The following RPH3AL variants were observed in gnomAD, a reference collection of about 807,000 sequenced individuals.
RPH3AL encodes rabphilin 3A like (without C2 domains), also known as rab effector Noc2.
In RPH3AL, 38 loss-of-function variants were observed where a neutral mutation model predicts 43.1. The ratio of observed to expected loss-of-function variants is 0.88; its 90% CI spans 0.68 to 1.15. RPH3AL has a LOEUF of 1.15. Among genes scored for constraint, RPH3AL ranks in the 50% most tolerant of loss-of-function variants. The pLI is 0.00. For missense variants in RPH3AL, 462 were observed against 423.2 expected, an observed-to-expected ratio of 1.09 and a Z score of -0.81; for synonymous variants, 189 against 176.3, an observed-to-expected ratio of 1.07 and a Z score of -0.57.
intron 7 of RPH3AL, among the ~76,000 whole-genome samples, chr17:242,053 G>T (rs1228661077): frequency 6.6e-6 from 1 of 152,088 alleles, no homozygotes; most frequent in Non-Finnish European, 1.5e-5. Context: ...AAAGGCGGAG[G>T]TTGCAGTGAG....
At chr17:285,606 G>A (rs1339183704) in intron 5 of RPH3AL, among the ~76,000 whole-genome samples, 1 of 152,198 alleles carries the variant, frequency 6.6e-6, no homozygotes, top group Non-Finnish European at 1.5e-5. Flanking sequence ...GGAATAAAAT[G>A]AAAAACAGCT....
At chr17:316,583 A>G (rs1395002136) in intron 5 of RPH3AL, among the ~76,000 whole-genome samples, 2 of 137,686 alleles carry the variant, frequency 1.5e-5, no homozygotes, top group African/African-American at 5.7e-5. Context: ...ACCTCCATTG[A>G]CCTGTAGTCC....
intron 6 of RPH3AL, chr17:261,824 A>G (rs2042201706): frequency 6.6e-6 from 1 of 152,240 alleles, no homozygotes; most frequent in Non-Finnish European, 1.5e-5. Flanking sequence ...GATCCTGGAA[A>G]CAGTCTCCAA....
intron 7 of RPH3AL, among the ~76,000 whole-genome samples, chr17:233,426 A>C (rs2041277753): frequency 6.6e-6 from 1 of 152,164 alleles, no homozygotes; most frequent in African/African-American, 2.4e-5. Context: ...TCCCCCAGGA[A>C]AACACCAGCC....
intron 6 of RPH3AL, among the ~76,000 whole-genome samples, chr17:259,554 G>A (rs1469939822): frequency 6.6e-6 from 1 of 152,154 alleles, no homozygotes; most frequent in Non-Finnish European, 1.5e-5. Flanking sequence ...ATTAACCCCA[G>A]GCCACCCCGC....
intron 5 of RPH3AL, chr17:306,509 T>C (rs1434407725): frequency 1.3e-5 from 2 of 152,126 alleles, no homozygotes; most frequent in Non-Finnish European, 2.9e-5. Flanking sequence ...ACCCCTAGAG[T>C]GAGCTCTCCA....
intron 7 of RPH3AL, among the ~76,000 whole-genome samples, chr17:242,985 A>ACCTTCCTCTATTGAT (rs2041608016): frequency 1.5e-5 from 1 of 64,932 alleles, no homozygotes; most frequent in Admixed American, 1.5e-4. Context: ...CCTCTATTGA[A>ACCTTCCTCTATTGAT]TACCTTCCTC....
intron 7 of RPH3AL, among the ~76,000 whole-genome samples, chr17:238,169 A>AAG (rs55813025): frequency 6.7e-6 from 1 of 148,426 alleles, no homozygotes; most frequent in African/African-American, 2.5e-5. Flanking sequence ...AGAAGAGAGA[A>AAG]AGAGAGAGAG....
intron 5 of RPH3AL, among the ~76,000 whole-genome samples, chr17:311,980 C>A (rs2151656083): frequency 6.6e-6 from 1 of 152,172 alleles, no homozygotes; most frequent in South Asian, 2.1e-4. Flanking sequence ...AAGGGTGAGG[C>A]CCTAATCCGA....
intron 6 of RPH3AL, among the ~76,000 whole-genome samples, chr17:250,626 G>A (rs112082646): frequency 0.011 from 1,628 of 144,026 alleles, 22 homozygotes; most frequent in Non-Finnish European, 0.018. Flanking sequence ...CCCTCGCTGC[G>A]GGACCTCTCA....
chr17:264,220 G>T lies in RPH3AL; in HGVS notation c.439-16935C>A, dbSNP rs200741446. ...GAAATGCCATCTGTCACTCAAACCC[G>T]AATAGAACCACCCTACCTCAAAGTT... On this transcript the variant is annotated intron_variant, in intron 6 of 9. Coordinates refer to ENST00000331302, the MANE Select transcript of RPH3AL (RefSeq NM_006987.4). The surrounding 1 kb of genome is among the most constrained non-coding windows in gnomAD (Gnocchi z 4.8). Among the ~76,000 whole-genome samples, 2 of 152,304 alleles carry T rather than the reference G, an allele frequency of 1.3e-5. No individual in the cohort carries two copies. The highest frequency in any genetic ancestry group is 4.1e-4 in the South Asian group (2 of 4,822).
At chr17:306,618 T>C (rs2043494555) in intron 5 of RPH3AL, 2 of 152,112 alleles carry the variant, frequency 1.3e-5, no homozygotes, top group Non-Finnish European at 2.9e-5. Context: ...ATTGGATAAT[T>C]AGTATCCACG....
chr17:325,633 C>T (rs1027351353), intron 3 of RPH3AL, among the ~76,000 whole-genome samples: 1 of 152,220 alleles, frequency 6.6e-6, no homozygotes, highest in Admixed American at 6.5e-5. Context: ...ACGTCCCCAC[C>T]GCCTGTTATC....
At position 302,388 on chromosome 17, in the gene RPH3AL, G is replaced by A. The variant is rs555330289; in HGVS notation, c.351+17032C>T. 3.2e-4 allele frequency among the ~76,000 whole-genome samples: 49 copies of A among 152,312 alleles called. No homozygotes were observed. In the South Asian group the frequency reaches 9.5e-3, roughly 30 times the overall value. On this transcript the variant is annotated intron_variant, in intron 5 of 9. Coordinates refer to ENST00000331302, the MANE Select transcript of RPH3AL (RefSeq NM_006987.4). ...GGAGTCACCCCGCCCCACCCACTACGTCCGTCCTTCGATTTACACAAGGTC... is the reference window on the plus strand; with the variant it reads ...GGAGTCACCCCGCCCCACCCACTACATCCGTCCTTCGATTTACACAAGGTC...
intron 5 of RPH3AL, among the ~76,000 whole-genome samples, chr17:282,253 T>C (rs563444758): frequency 1.3e-5 from 2 of 152,328 alleles, no homozygotes; most frequent in African/African-American, 4.8e-5. Flanking sequence ...AATAATGCGA[T>C]TCAACAAAGA....
intron 1 of RPH3AL, among the ~76,000 whole-genome samples, chr17:348,074 C>A (rs1324112287): frequency 7.3e-6 from 1 of 136,698 alleles, no homozygotes; most frequent in Non-Finnish European, 1.5e-5. Flanking sequence ...TGGGGCAACC[C>A]TTCTCTGCAA....
intron 6 of RPH3AL, among the ~76,000 whole-genome samples, chr17:269,022 G>T (rs1806130894): frequency 6.6e-6 from 1 of 152,100 alleles, no homozygotes; most frequent in Non-Finnish European, 1.5e-5. Flanking sequence ...GGGACTACAG[G>T]CGCCCGCCAC....
intron 5 of RPH3AL, among the ~76,000 whole-genome samples, chr17:314,254 G>C (rs911806441): frequency 2.0e-5 from 3 of 152,270 alleles, no homozygotes; most frequent in Admixed American, 6.5e-5. Flanking sequence ...CACAGGCCAG[G>C]CTCTGTGCCT....
chr17:333,419 T>C lies in RPH3AL; in HGVS notation c.-37+340A>G. On this transcript the variant is annotated intron_variant, in intron 2 of 9. Coordinates refer to ENST00000331302, the MANE Select transcript of RPH3AL (RefSeq NM_006987.4). The surrounding 1 kb of genome is among the most constrained non-coding windows in gnomAD (Gnocchi z 4.5). ...TTTTCCTGGGCATTTATGTACAAATTGTAATAAAATTGGGTTCTTACTGCA... is the reference window on the plus strand; with the variant it reads ...TTTTCCTGGGCATTTATGTACAAATCGTAATAAAATTGGGTTCTTACTGCA... The C allele has an allele frequency of 1.4e-6, 1 of 724,104 alleles. No individual in the cohort carries two copies. The highest frequency in any genetic ancestry group is 2.0e-6 in the Non-Finnish European group (1 of 507,036). 44.9% of individuals were successfully genotyped at this position (724,104 alleles called of 1,614,324 possible). A position where few individuals can be genotyped will look rare whatever the true frequency, so the allele number is the denominator to read the frequency against.
Sources: allele counts gnomAD v4.1 joint callset (sites outside exome capture counted in the v4.1 genomes callset), GRCh38; gene constraint gnomAD v4.1.1; non-coding constraint Gnocchi (gnomAD v3.1); transcripts MANE v1.5; gene names NCBI Gene and HGNC (gene_info 2026-07-23, HGNC 2026-07-21).